The following GALNT17 variants were observed in gnomAD, a reference collection of about 807,000 sequenced individuals.
The protein encoded by GALNT17 is polypeptide N-acetylgalactosaminyltransferase 17.
In GALNT17, 29 loss-of-function variants were observed where a neutral mutation model predicts 63.7. The ratio of observed to expected loss-of-function variants is 0.46; its 90% CI spans 0.34 to 0.62. The LOEUF (loss-of-function observed/expected upper bound fraction) is 0.62, where lower values mean the gene tolerates loss of function less well. Ranked by LOEUF, GALNT17 falls within the 20% of genes least tolerant of loss-of-function variation. GALNT17 has a pLI of 0.01. For synonymous variants in GALNT17, 305 were observed against 318.3 expected (o/e 0.96, Z 0.45); for missense variants, 603 against 799.6 (o/e 0.75, Z 2.97).
chr7:71,540,517 G>C lies in GALNT17; in HGVS notation c.963-30768G>C, dbSNP rs545862565. Among the ~76,000 whole-genome samples the C allele has an allele frequency of 2.0e-3, 305 of 152,126 alleles. 5 individuals carry two copies. The highest frequency in any genetic ancestry group is 1.0e-3 in the Non-Finnish European group (68 of 67,974). The stretch of plus-strand genomic sequence containing the variant: ...TGTCCCCGTGGTGTGTAGGTGCTGG[G>C]CTTACAGCAGTGACTCAGCAGAACA... On this transcript the variant is annotated intron_variant, in intron 5 of 10. Coordinates refer to ENST00000333538, the MANE Select transcript of GALNT17 (RefSeq NM_022479.3).
intron 1 of GALNT17, among the ~76,000 whole-genome samples, chr7:71,292,682 T>A (rs888106590): frequency 9.4e-4 from 140 of 149,666 alleles, no homozygotes; most frequent in African/African-American, 3.2e-3. Context: ...TGTGTGTGTG[T>A]GTGTGTGTGT....
intron 1 of GALNT17, among the ~76,000 whole-genome samples, chr7:71,201,018 G>T (rs1051834954): frequency 6.6e-6 from 1 of 151,784 alleles, no homozygotes; most frequent in Non-Finnish European, 1.5e-5. Flanking sequence ...AGGCAATTCA[G>T]TTATCTCTCT....
chr7:71,503,302 G>A (rs543374808), intron 5 of GALNT17, among the ~76,000 whole-genome samples: 6 of 152,052 alleles, frequency 3.9e-5, no homozygotes, highest in African/African-American at 7.2e-5. Flanking sequence ...GTGCAGTGGC[G>A]TGATCTCAGC....
intron 1 of GALNT17, among the ~76,000 whole-genome samples, chr7:71,291,815 A>G (rs1790984875): frequency 6.6e-6 from 1 of 152,126 alleles, no homozygotes; most frequent in African/African-American, 2.4e-5. Context: ...GATTTTCTCT[A>G]AATTTATCTT....
intron 1 of GALNT17, among the ~76,000 whole-genome samples, chr7:71,331,830 A>G (rs1232833971): frequency 6.6e-6 from 1 of 152,188 alleles, no homozygotes; most frequent in African/African-American, 2.4e-5. Context: ...AGACAATGGT[A>G]GAATAAAAGT....
intron 1 of GALNT17, among the ~76,000 whole-genome samples, chr7:71,139,394 A>G (rs1331875769): frequency 6.6e-6 from 1 of 152,202 alleles, no homozygotes; most frequent in Non-Finnish European, 1.5e-5. Flanking sequence ...ATAAGAAGAA[A>G]TGCAATCGAT....
chr7:71,175,486 G>C (rs879786257), intron 1 of GALNT17, among the ~76,000 whole-genome samples: 7 of 152,076 alleles, frequency 4.6e-5, no homozygotes, highest in South Asian at 2.1e-4. Context: ...CTATCTGTAA[G>C]AGTTTATGCA....
intron 1 of GALNT17, among the ~76,000 whole-genome samples, chr7:71,210,339 A>T (rs1320682873): frequency 6.6e-6 from 1 of 152,078 alleles, no homozygotes; most frequent in Admixed American, 6.5e-5. Context: ...AAACCGGATC[A>T]TTGCCCAAGT....
chr7:71,146,941 A>T (rs1259895778), intron 1 of GALNT17, among the ~76,000 whole-genome samples: 1 of 152,142 alleles, frequency 6.6e-6, no homozygotes, highest in South Asian at 2.1e-4. Flanking sequence ...CCTCGGACAC[A>T]AGGGAGGCTA....
rs185510843 is a variant in GALNT17 at position 71,408,928 on chromosome 7, T to G, written c.590-6961T>G. ...TGTATGTATGTATGTATGTATGTAT[T>G]TATATGTATTTTATATATATATACT... On this transcript the variant is annotated intron_variant, in intron 3 of 10. Transcript: ENST00000333538. Among the ~76,000 whole-genome samples, 152 of 150,398 alleles carry G rather than the reference T, an allele frequency of 1.0e-3. 1 individual carries two copies. The South Asian group carries it at 0.016, about 15-fold the overall frequency.
At chr7:71,465,227 C>T (rs1325109932) in intron 5 of GALNT17, among the ~76,000 whole-genome samples, 3 of 152,130 alleles carry the variant, frequency 2.0e-5, no homozygotes, top group Admixed American at 6.5e-5. Flanking sequence ...GTATACCCTC[C>T]TTATCTCCTC....
intron 1 of GALNT17, among the ~76,000 whole-genome samples, chr7:71,165,711 G>A (rs138113435): frequency 1.5e-3 from 230 of 152,234 alleles, no homozygotes; most frequent in African/African-American, 5.1e-3. Flanking sequence ...CCCTTAAAAC[G>A]ATTTTCCTTT....
At chr7:71,257,707 G>T (rs1182319803) in intron 1 of GALNT17, among the ~76,000 whole-genome samples, 5 of 152,196 alleles carry the variant, frequency 3.3e-5, no homozygotes, top group Admixed American at 6.5e-5. Flanking sequence ...CCACTGTGGG[G>T]ATGCTGGAGA....
chr7:71,286,515 G>A (rs768884726), intron 1 of GALNT17, among the ~76,000 whole-genome samples: 9 of 152,052 alleles, frequency 5.9e-5, no homozygotes, highest in Non-Finnish European at 8.8e-5. Context: ...ATTCCCGTTC[G>A]CAAATAAGGA....
chr7:71,333,551 T>G (rs1383432282), intron 1 of GALNT17, among the ~76,000 whole-genome samples: 1 of 152,172 alleles, frequency 6.6e-6, no homozygotes, highest in Non-Finnish European at 1.5e-5. Flanking sequence ...ATTTTTTGTT[T>G]TTGTTTTTGA....
At chr7:71,471,399 C>CAAAAAAAAA (rs35529889) in intron 5 of GALNT17, among the ~76,000 whole-genome samples, 3 of 89,576 alleles carry the variant, frequency 3.3e-5, no homozygotes, top group Non-Finnish European at 2.4e-5. Flanking sequence ...TTTTTTTTTC[C>CAAAAAAAAA]AAAAAAAAAA....
intron 1 of GALNT17, among the ~76,000 whole-genome samples, chr7:71,233,127 G>A (rs912140514): frequency 2.6e-5 from 4 of 152,072 alleles, no homozygotes; most frequent in Non-Finnish European, 5.9e-5. Context: ...TCCCGTGTTC[G>A]GCTGCTAACC....
At chr7:71,615,393 G>C (rs1317693310) in intron 6 of GALNT17, among the ~76,000 whole-genome samples, 1 of 151,086 alleles carries the variant, frequency 6.6e-6, no homozygotes, top group African/African-American at 2.4e-5. Flanking sequence ...GGCCCCAGAT[G>C]TGGCTTTTCC....
intron 1 of GALNT17, among the ~76,000 whole-genome samples, chr7:71,304,919 A>G (rs1017032997): frequency 7.9e-5 from 12 of 151,956 alleles, no homozygotes; most frequent in Non-Finnish European, 1.3e-4. Context: ...AATTTTTTGT[A>G]TTTTTAGTAG....
Sources: allele counts gnomAD v4.1 joint callset (sites outside exome capture counted in the v4.1 genomes callset), GRCh38; gene constraint gnomAD v4.1.1; transcripts MANE v1.5; gene names NCBI Gene and HGNC (gene_info 2026-07-23, HGNC 2026-07-21).